PCDHGA6: variants seen among roughly 807,000 people sequenced by gnomAD.
The protein encoded by PCDHGA6 is protocadherin gamma-A6.
A neutral mutation model predicts 60.6 loss-of-function variants in PCDHGA6; 41 were observed. The ratio of observed to expected loss-of-function variants is 0.68; its 90% confidence interval spans 0.53 to 0.88. The LOEUF is 0.88. Among genes scored for constraint, PCDHGA6 ranks in the 40% least tolerant of loss-of-function variants. The pLI is 0.00. For synonymous variants in PCDHGA6, 594 were observed against 524.4 expected, an observed-to-expected ratio of 1.13 and a Z score of -1.81; for missense variants, 1,312 against 1,203.0, an observed-to-expected ratio of 1.09 and a Z score of -1.34.
At chr5:141,415,508 A>G in intron 1 of PCDHGA6, 2 of 1,614,168 alleles carry the variant, frequency 1.2e-6, no homozygotes, top group Non-Finnish European at 1.7e-6. Flanking sequence ...CCCCAGCCCA[A>G]TTATGCGGAC....
intron 1 of PCDHGA6, among the ~76,000 whole-genome samples, chr5:141,462,448 G>A (rs1435453503): frequency 6.6e-6 from 1 of 152,022 alleles, no homozygotes; most frequent in Non-Finnish European, 1.5e-5. Context: ...ACACAACTGT[G>A]TAACTGAAAA....
intron 3 of PCDHGA6, among the ~76,000 whole-genome samples, chr5:141,507,500 A>G (rs2099861039): frequency 6.6e-6 from 1 of 152,206 alleles, no homozygotes; most frequent in Admixed American, 6.5e-5. Flanking sequence ...GAGCTGTCCC[A>G]GGTCTGGTGG....
chr5:141,400,880 T>C (rs919340566), intron 1 of PCDHGA6, among the ~76,000 whole-genome samples: 1 of 152,276 alleles, frequency 6.6e-6, no homozygotes, highest in Non-Finnish European at 1.5e-5. Flanking sequence ...TTAAATTTAA[T>C]GTATGTAATC....
intron 1 of PCDHGA6, chr5:141,418,389 AT>A (rs1429903562): frequency 5.6e-6 from 9 of 1,613,878 alleles, no homozygotes; most frequent in Non-Finnish European, 6.8e-6. Flanking sequence ...CCTAACGAGT[AT>A]TTCTCATTGG....
rs1333168918 is a variant in PCDHGA6, at chr5:141,375,648, A to G, written c.1565A>G (p.Tyr522Cys). The change falls in exon 1 of 4, where the codon TAT becomes TGT. Residue 522 changes from tyrosine to cysteine, a missense_variant. By Grantham distance (194) the Tyr-to-Cys change is radical (BLOSUM62 -2). Coordinates refer to ENST00000517434, the MANE Select transcript of PCDHGA6 (RefSeq NM_018919.3). ...GILYALRSFD[Y>C]EQLRDLQLWV... The stretch of plus-strand genomic sequence containing the variant: ...CTGTACGCCCTGCGCTCCTTCGACT[A>G]TGAGCAGTTGAGAGACCTACAGCTG... 3.7e-6 allele frequency: 6 copies of G among 1,614,030 alleles called. No individual in the cohort carries two copies. The African/African-American group carries it at 6.7e-5, about 18-fold the overall frequency.
Position 141,492,511 on chromosome 5 carries a change from C to T in PCDHGA6, c.2425-2296C>T, listed in dbSNP as rs58889912. Among the ~76,000 whole-genome samples the T allele has an allele frequency of 1.7e-3, 262 of 152,326 alleles. 2 individuals are homozygous for T. The highest frequency in any genetic ancestry group is 6.0e-3 in the African/African-American group (249 of 41,582). On this transcript the variant is annotated intron_variant, in intron 1 of 3. Coordinates refer to ENST00000517434, the MANE Select transcript of PCDHGA6 (RefSeq NM_018919.3). Reference sequence around the variant, plus strand: ...CCAGGCGAGGACTCCGGAGCCTCCTCTCACCTCTCCCACCTGCGCCCCGGG... The same window carrying T: ...CCAGGCGAGGACTCCGGAGCCTCCTTTCACCTCTCCCACCTGCGCCCCGGG...
In PCDHGA6 at chr5:141,489,515, G is replaced by A. The variant is rs983415025; in HGVS notation, c.2425-5292G>A. On this transcript the variant is annotated intron_variant, in intron 1 of 3. Coordinates refer to ENST00000517434, the MANE Select transcript of PCDHGA6 (RefSeq NM_018919.3). The surrounding 1 kb of genome is among the most constrained non-coding windows in gnomAD (Gnocchi z 4.5). ...CTGGCAGTGAATCAAAAGATTGACC[G>A]AGAAAGCCTATGTGGAGCCAGCACC... 2 of 1,614,104 alleles carry A rather than the reference G, an allele frequency of 1.2e-6. No homozygotes were observed. Among genetic ancestry groups the A allele is most frequent in the Non-Finnish European group, 8.5e-7 (1 of 1,180,034 alleles).
At position 141,421,915 on chromosome 5, in the gene PCDHGA6, C is replaced by T. The variant is rs751221129; in HGVS notation, c.2424+45408C>T. ...CATCCGAAAGGGCGCAGTTCCCATT[C>T]GTGTGGTGGTCCTCGATGTAAATGA... is the stretch of plus-strand genomic sequence containing the variant. On this transcript the variant is annotated intron_variant, in intron 1 of 3. Transcript: ENST00000517434. 18 of 1,613,504 alleles carry T rather than the reference C, an allele frequency of 1.1e-5. No individual in the cohort carries two copies. The South Asian group carries it at 1.5e-4, about 14-fold the overall frequency.
At chr5:141,449,566 G>A (rs1235137244) in intron 1 of PCDHGA6, among the ~76,000 whole-genome samples, 4 of 147,126 alleles carry the variant, frequency 2.7e-5, no homozygotes, top group East Asian at 4.0e-4. Context: ...TCCAGCCTGG[G>A]CGACAGAGCA....
At chr5:141,428,290 C>G in intron 1 of PCDHGA6, 2 of 726,802 alleles carry the variant, frequency 2.8e-6, no homozygotes, top group Non-Finnish European at 4.8e-6. Context: ...CCAAGCAAAG[C>G]TGCAGATTTA....
chr5:141,490,933 C>T lies in PCDHGA6; in HGVS notation c.2425-3874C>T, dbSNP rs781291690. ...CGAGAATGATAATGCCCCAGCTGTG[C>T]TGCACCCACGGCCAGACTGGGAACA... On this transcript the variant is annotated intron_variant, in intron 1 of 3. Transcript: ENST00000517434. The surrounding 1 kb of genome is among the most constrained non-coding windows in gnomAD (Gnocchi z 5.4). 5.0e-6 allele frequency: 8 copies of T among 1,613,702 alleles called. No individual in the cohort carries two copies. The highest frequency in any genetic ancestry group is 5.9e-6 in the Non-Finnish European group (7 of 1,179,770).
At chr5:141,501,290 TACACACACACACACACAC>T (rs55762287) in intron 2 of PCDHGA6, among the ~76,000 whole-genome samples, 6 of 136,162 alleles carry the variant, frequency 4.4e-5, no homozygotes, top group South Asian at 2.4e-4. Flanking sequence ...TATTCCCTTA[TACACACACACACACACAC>T]ACACACACAC....
chr5:141,412,415 T>C (rs897201034), intron 1 of PCDHGA6: 5 of 152,248 alleles, frequency 3.3e-5, no homozygotes, highest in Non-Finnish European at 4.4e-5. Context: ...AGATAAAGTA[T>C]GTTTTACACA....
chr5:141,394,487 C>A, intron 1 of PCDHGA6: 1 of 1,614,248 alleles, frequency 6.2e-7, no homozygotes. Context: ...AGAATGACAA[C>A]GCGCCCGAGA....
intron 1 of PCDHGA6, chr5:141,430,849 G>A: frequency 6.3e-7 from 1 of 1,582,030 alleles, no homozygotes; most frequent in Non-Finnish European, 8.6e-7. Flanking sequence ...GATGCACCCA[G>A]ATACGCTATT....
At position 141,391,015 on chromosome 5, in the gene PCDHGA6, CAAAGA is replaced by C. The variant is rs1353502690; in HGVS notation, c.2424+14514_2424+14518del. On this transcript the variant is annotated intron_variant, in intron 1 of 3. Transcript: ENST00000517434. ...TTCAAGCTCATTCTATATCCTTCAT[CAAAGA>C]AAAGACAATGTTTTGTGTCTGTTGT... 3.3e-5 allele frequency: 5 copies of C among 152,166 alleles called. No individual in the cohort carries two copies. The East Asian group carries it at 9.6e-4, about 29-fold the overall frequency. The allele number at this position is 152,166 out of a possible 1,614,324, so 9.4% of individuals were successfully genotyped here. A position where few individuals can be genotyped will look rare whatever the true frequency, so the allele number is the denominator to read the frequency against.
At chr5:141,419,174 A>G (rs1283454889) in intron 1 of PCDHGA6, 1 of 1,613,840 alleles carries the variant, frequency 6.2e-7, no homozygotes, top group East Asian at 2.2e-5. Flanking sequence ...CAAAACCATA[A>G]CCCTGCACAT....
intron 3 of PCDHGA6, among the ~76,000 whole-genome samples, chr5:141,505,995 C>T (rs1041284805): frequency 5.3e-5 from 8 of 152,142 alleles, no homozygotes; most frequent in African/African-American, 1.4e-4. Flanking sequence ...CCTCTTTATG[C>T]GAGGCTCCTC....
Position 141,431,587 on chromosome 5 carries a change from A to C in PCDHGA6, c.2424+55080A>C. On this transcript the variant is annotated intron_variant, in intron 1 of 3. Coordinates refer to ENST00000517434, the MANE Select transcript of PCDHGA6 (RefSeq NM_018919.3). This position sits in a 1 kb window ranked among gnomAD's most constrained non-coding sequence, Gnocchi z 4.8. ...ACCCTGACGAAGGAGTCAATGCGGA[A>C]GTGAGGTATTCCTTCCGGTATGTGG... The C allele has an allele frequency of 1.2e-6, 2 of 1,614,236 alleles. No homozygotes were observed. Among genetic ancestry groups the C allele is most frequent in the Non-Finnish European group, 1.7e-6 (2 of 1,180,036 alleles).
Sources: gnomAD v4.1 joint callset for allele counts (sites outside exome capture counted in the v4.1 genomes callset) on GRCh38, gnomAD v4.1.1 for gene constraint, Gnocchi (gnomAD v3.1) non-coding constraint, MANE v1.5 for transcripts, NCBI Gene and HGNC (gene_info 2026-07-23, HGNC 2026-07-21) for gene names.